PHACTR2: variants seen among roughly 807,000 people sequenced by gnomAD.
PHACTR2 encodes the protein chromosome 6 open reading frame 56.
Under a neutral mutation model 76.0 loss-of-function variants are expected in PHACTR2, and 30 were observed. That is an observed-to-expected ratio of 0.39 (90% CI 0.30 to 0.54). PHACTR2 has a LOEUF of 0.54. PHACTR2 is among the 20% of genes least tolerant of loss of function. The pLI is 0.61. For synonymous variants in PHACTR2, 292 were observed against 292.5 expected (o/e 1.00, Z 0.02); for missense variants, 696 against 781.1 (o/e 0.89, Z 1.30).
intron 1 of PHACTR2, among the ~76,000 whole-genome samples, chr6:143,575,356 C>T (rs1293620280): frequency 6.6e-6 from 1 of 152,148 alleles, no homozygotes; most frequent in Non-Finnish European, 1.5e-5. Flanking sequence ...TTTTTATAAG[C>T]ACCATGTCTT....
chr6:143,612,393 A>C (rs1169099143), intron 1 of PHACTR2, among the ~76,000 whole-genome samples: 1 of 152,214 alleles, frequency 6.6e-6, no homozygotes, highest in African/African-American at 2.4e-5. Context: ...AAAGATGGTG[A>C]CTCAGGAGAA....
chr6:143,790,969 G>A (rs192726336), intron 11 of PHACTR2, among the ~76,000 whole-genome samples: 5 of 152,284 alleles, frequency 3.3e-5, no homozygotes, highest in East Asian at 3.9e-4. Context: ...GAGCCATGGC[G>A]CCCGGCCAAC....
intron 1 of PHACTR2, among the ~76,000 whole-genome samples, chr6:143,594,881 G>A (rs941084325): frequency 2.6e-5 from 4 of 152,204 alleles, no homozygotes; most frequent in African/African-American, 4.8e-5. Flanking sequence ...CTGTCAGGTG[G>A]GGTGAGTCAG....
rs1296488893 is a variant in PHACTR2 at position 143,602,421 on chromosome 6, G to T, written c.217+65214G>T. On this transcript the variant is annotated intron_variant, in intron 1 of 11. Coordinates refer to the PHACTR2 transcript ENST00000367584. This position sits in a 1 kb window ranked among gnomAD's most constrained non-coding sequence, Gnocchi z 6.1. ...TTGTTTTTCCAACCTCATTTCTTGA[G>T]CCAGGACTCTCCATTCAAGCAGAGC... 1.3e-5 allele frequency among the ~76,000 whole-genome samples: 2 copies of T among 152,138 alleles called. No individual in the cohort carries two copies. The highest frequency in any genetic ancestry group is 4.8e-5 in the African/African-American group (2 of 41,416).
At chr6:143,798,994 T>C (rs561893679) in intron 11 of PHACTR2, among the ~76,000 whole-genome samples, 20 of 152,324 alleles carry the variant, frequency 1.3e-4, no homozygotes, top group African/African-American at 4.1e-4. Context: ...TGGTAGAATT[T>C]GGCTGTGAAT....
chr6:143,830,606 C>A lies in PHACTR2; in HGVS notation c.*6917C>A, dbSNP rs1488061559. The A allele has an allele frequency of 6.6e-6, 1 of 152,080 alleles. No individual in the cohort carries two copies. Among genetic ancestry groups the A allele is most frequent in the East Asian group, 1.9e-4 (1 of 5,198 alleles). 9.4% of individuals were successfully genotyped at this position (152,080 alleles called of 1,614,324 possible). A position where few individuals can be genotyped will look rare whatever the true frequency, so the allele number is the denominator to read the frequency against. Reference sequence around the variant, plus strand: ...ATGTACTTGTATTCCACTATTGTAACCTGAAAGAAAGACTATGTATTCCCT... The same window carrying A: ...ATGTACTTGTATTCCACTATTGTAAACTGAAAGAAAGACTATGTATTCCCT... On this transcript the variant is annotated 3_prime_UTR_variant, in exon 13 of 13. Coordinates refer to ENST00000440869, the MANE Select transcript of PHACTR2 (RefSeq NM_001100164.2).
rs1778760312 is a variant in PHACTR2, at chr6:143,733,859, G to A, written c.215-15126G>A. Among the ~76,000 whole-genome samples the A allele has an allele frequency of 6.6e-6, 1 of 151,988 alleles. No individual in the cohort carries two copies. Among genetic ancestry groups the A allele is most frequent in the Non-Finnish European group, 1.5e-5 (1 of 67,994 alleles). On this transcript the variant is annotated intron_variant, in intron 2 of 12. Transcript: ENST00000440869. This position sits in a 1 kb window ranked among gnomAD's most constrained non-coding sequence, Gnocchi z 4.0. ...CCAAATGAGTGCTAGAAATTCTGTG[G>A]GCAAGAGATATTATATAATAATTTT...
rs147594631 is a variant in PHACTR2 at position 143,745,120 on chromosome 6, G to A, written c.215-3865G>A. Among the ~76,000 whole-genome samples the A allele has an allele frequency of 3.1e-3, 466 of 152,310 alleles. 2 individuals are homozygous for A. Among genetic ancestry groups the A allele is most frequent in the Non-Finnish European group, 5.9e-3 (398 of 68,032 alleles). On this transcript the variant is annotated intron_variant, in intron 2 of 12. Transcript: ENST00000440869. Reference sequence around the variant, plus strand: ...CGTCTTCCCTGGCAGTATCTTGGTTGTGCTGTAGCTGTGGTGCATAGATTT... The same window carrying A: ...CGTCTTCCCTGGCAGTATCTTGGTTATGCTGTAGCTGTGGTGCATAGATTT...
At chr6:143,699,300 C>T (rs1032504738) in intron 1 of PHACTR2, among the ~76,000 whole-genome samples, 4 of 152,156 alleles carry the variant, frequency 2.6e-5, no homozygotes, top group African/African-American at 9.7e-5. Context: ...TTCAACACCC[C>T]GACACCCAGG....
rs1168802315 is a variant in PHACTR2 at position 143,782,890 on chromosome 6, TA to T, written c.1646-328del. ...TATAAGCCCATGAAATGATCAGCAATAGAGGGCTTTCATTAGAATATGGGCA... is the reference window on the plus strand; with the variant it reads ...TATAAGCCCATGAAATGATCAGCAATGAGGGCTTTCATTAGAATATGGGCA... On this transcript the variant is annotated intron_variant, in intron 9 of 12. Coordinates refer to ENST00000440869, the MANE Select transcript of PHACTR2 (RefSeq NM_001100164.2). The surrounding 1 kb of genome is among the most constrained non-coding windows in gnomAD (Gnocchi z 4.6). Among the ~76,000 whole-genome samples, 1 of 152,156 alleles carries T rather than the reference TA, an allele frequency of 6.6e-6. No individual in the cohort carries two copies. The highest frequency in any genetic ancestry group is 1.5e-5 in the Non-Finnish European group (1 of 68,024).
At chr6:143,749,522 A>G (rs149705682) in intron 3 of PHACTR2, among the ~76,000 whole-genome samples, 51 of 152,246 alleles carry the variant, frequency 3.3e-4, no homozygotes, top group African/African-American at 1.1e-3. Context: ...TGCACTCTAT[A>G]ATAACACTGA....
At chr6:143,773,642 C>T (rs1775205225) in intron 7 of PHACTR2, among the ~76,000 whole-genome samples, 1 of 151,788 alleles carries the variant, frequency 6.6e-6, no homozygotes, top group Non-Finnish European at 1.5e-5. Context: ...GCCAGGATGG[C>T]GTCTGAGTAG....
rs956133049 is a variant in PHACTR2 at position 143,761,034 on chromosome 6, A to G, written c.694+394A>G. Among the ~76,000 whole-genome samples the G allele has an allele frequency of 5.3e-5, 8 of 152,180 alleles. No individual in the cohort carries two copies. Among genetic ancestry groups the G allele is most frequent in the African/African-American group, 1.9e-4 (8 of 41,444 alleles). Reference sequence around the variant, plus strand: ...CTTGGATTTTCTTTCAAAATATCTAAGGTTTGCATATAAAAATGTGACAAT... The same window carrying G: ...CTTGGATTTTCTTTCAAAATATCTAGGGTTTGCATATAAAAATGTGACAAT... On this transcript the variant is annotated intron_variant, in intron 5 of 12. Coordinates refer to ENST00000440869, the MANE Select transcript of PHACTR2 (RefSeq NM_001100164.2). This position sits in a 1 kb window ranked among gnomAD's most constrained non-coding sequence, Gnocchi z 5.2.
chr6:143,752,177 G>C (rs895383155), intron 3 of PHACTR2, among the ~76,000 whole-genome samples: 9 of 151,886 alleles, frequency 5.9e-5, no homozygotes, highest in Non-Finnish European at 1.3e-4. Flanking sequence ...GCTTAAAATA[G>C]AATTAAATTG....
At chr6:143,681,390 A>G (rs575106065) in intron 1 of PHACTR2, among the ~76,000 whole-genome samples, 13 of 151,986 alleles carry the variant, frequency 8.6e-5, no homozygotes, top group Admixed American at 2.0e-4. Flanking sequence ...GGCCATTTGT[A>G]TATCTTCTTT....
chr6:143,642,783 A>G (rs1450024846), intron 1 of PHACTR2, among the ~76,000 whole-genome samples: 1 of 152,212 alleles, frequency 6.6e-6, no homozygotes, highest in Non-Finnish European at 1.5e-5. Context: ...CCAGCAAACC[A>G]TCAGAAACTA....
intron 1 of PHACTR2, among the ~76,000 whole-genome samples, chr6:143,635,932 G>T (rs759486320): frequency 6.6e-6 from 1 of 152,142 alleles, no homozygotes; most frequent in Non-Finnish European, 1.5e-5. Flanking sequence ...ACTGGACCAG[G>T]TGTGGTGGCT....
chr6:143,810,677 T>A, intron 12 of PHACTR2: 1 of 356,432 alleles, frequency 2.8e-6, no homozygotes, highest in South Asian at 2.1e-5. Flanking sequence ...AAAAAAATTT[T>A]AAAAATTAGC....
chr6:143,568,079 A>G (rs772504293), intron 1 of PHACTR2, among the ~76,000 whole-genome samples: 8 of 152,164 alleles, frequency 5.3e-5, no homozygotes, highest in Non-Finnish European at 1.0e-4. Context: ...CTGTTGTTAC[A>G]TATTTTCCTT....
Sources: allele counts gnomAD v4.1 joint callset (sites outside exome capture counted in the v4.1 genomes callset), GRCh38; gene constraint gnomAD v4.1.1; non-coding constraint Gnocchi (gnomAD v3.1); transcripts MANE v1.5; gene names NCBI Gene and HGNC (gene_info 2026-07-23, HGNC 2026-07-21).